The following URI1 variants were observed in gnomAD, a reference collection of about 807,000 sequenced individuals.
URI1 encodes the protein URI1 prefoldin like chaperone.
Under a neutral mutation model 60.2 loss-of-function variants are expected in URI1, and 39 were observed. That is an observed-to-expected ratio of 0.65 (90% CI 0.50 to 0.85). The LOEUF is 0.85. URI1 is among the 40% of genes least tolerant of loss of function. The pLI is 0.00. For synonymous variants in URI1, 251 were observed against 236.8 expected, an observed-to-expected ratio of 1.06 and a Z score of -0.55; for missense variants, 691 against 665.9, an observed-to-expected ratio of 1.04 and a Z score of -0.42.
intron 2 of URI1, among the ~76,000 whole-genome samples, chr19:29,973,208 C>T (rs2055480282): frequency 1.3e-5 from 2 of 152,106 alleles, no homozygotes; most frequent in Admixed American, 1.3e-4. Context: ...CTACCATATG[C>T]CAGTATTGTG....
chr19:29,982,839 ATAG>A (rs1229903652), intron 2 of URI1, among the ~76,000 whole-genome samples: 1 of 152,232 alleles, frequency 6.6e-6, no homozygotes. Context: ...TGGAACCAAA[ATAG>A]TAGTTGCTCC....
exon 1 of URI1, chr19:29,923,688 C>CCTGCA: frequency 6.5e-7 from 1 of 1,536,522 alleles, no homozygotes; most frequent in Admixed American, 2.0e-5. Flanking sequence ...AGGTCACTGC[C>CCTGCA]CTGATGACAA....
intron 4 of URI1, among the ~76,000 whole-genome samples, chr19:29,993,448 T>C (rs946068889): frequency 6.6e-6 from 1 of 152,254 alleles, no homozygotes; most frequent in African/African-American, 2.4e-5. Flanking sequence ...AATGTTGTGG[T>C]TCCCAAACTT....
intron 1 of URI1, among the ~76,000 whole-genome samples, chr19:29,926,280 C>CTTCCTTCT (rs1293383387): frequency 2.9e-5 from 4 of 139,978 alleles, no homozygotes; most frequent in African/African-American, 1.1e-4. Context: ...TCCTTCCTTC[C>CTTCCTTCT]TTCCTACCTT....
chr19:29,944,781 AT>A (rs1243398058), intron 1 of URI1, among the ~76,000 whole-genome samples: 1 of 152,216 alleles, frequency 6.6e-6, no homozygotes, highest in Admixed American at 6.5e-5. Flanking sequence ...ATCTATCTTT[AT>A]TTAATAGAAG....
chr19:29,946,528 T>C (rs77261009), intron 1 of URI1, among the ~76,000 whole-genome samples: 2,064 of 152,328 alleles, frequency 0.014, 47 homozygotes, highest in African/African-American at 0.046. Flanking sequence ...ATTAGGATAA[T>C]ATATTTATAA....
intron 4 of URI1, among the ~76,000 whole-genome samples, chr19:30,003,865 T>C (rs541288597): frequency 6.6e-6 from 1 of 152,228 alleles, no homozygotes; most frequent in African/African-American, 2.4e-5. Flanking sequence ...TAAAATAATG[T>C]TCTTTAGATC....
intron 10 of URI1, 171 bp downstream of exon 10, chr19:30,012,702 T>A: frequency 3.8e-6 from 3 of 799,754 alleles, no homozygotes; most frequent in Non-Finnish European, 5.3e-6. Context: ...GATAATCAAA[T>A]AGTTTATTTT....
intron 1 of URI1, among the ~76,000 whole-genome samples, chr19:29,957,470 T>C (rs1259407375): frequency 6.6e-6 from 1 of 152,108 alleles, no homozygotes; most frequent in East Asian, 1.9e-4. Context: ...TGTAGCTCTG[T>C]TTCTCTATTC....
chr19:29,996,810 A>G (rs1348720947), intron 4 of URI1, among the ~76,000 whole-genome samples: 1 of 151,002 alleles, frequency 6.6e-6, no homozygotes, highest in Non-Finnish European at 1.5e-5. Flanking sequence ...TTTTTTTTTA[A>G]TCATGAAAGG....
At chr19:29,956,293 T>TG in intron 1 of URI1, 8 of 749,982 alleles carry the variant, frequency 1.1e-5, no homozygotes, top group Non-Finnish European at 1.6e-5. Context: ...GTCTTTTTTT[T>TG]TTTTTTTTTT....
At chr19:29,942,223 C>A, upstream of URI1, 1 of 984,668 alleles carries the variant, frequency 1.0e-6, no homozygotes, top group Non-Finnish European at 1.2e-6. Context: ...TTCCGGCGTG[C>A]CGCGAGAGGC....
intron 1 of URI1, among the ~76,000 whole-genome samples, chr19:29,948,901 C>T (rs1336647432): frequency 1.3e-5 from 2 of 152,202 alleles, no homozygotes; most frequent in African/African-American, 4.8e-5. Flanking sequence ...GTCCTCACTT[C>T]CCAGAAGGGG....
At chr19:29,976,796 ATTTT>A (rs2055528436) in intron 2 of URI1, among the ~76,000 whole-genome samples, 1 of 152,168 alleles carries the variant, frequency 6.6e-6, no homozygotes, top group African/African-American at 2.4e-5. Context: ...TGCTTCCTTT[ATTTT>A]AAAAGGATTT....
chr19:29,956,852 C>G, intron 1 of URI1: 1 of 1,555,496 alleles, frequency 6.4e-7, no homozygotes, highest in Non-Finnish European at 8.8e-7. Flanking sequence ...TCCAAGGAGT[C>G]TGAGTTCTAC....
chr19:29,941,732 G>A (rs1356732270), upstream of URI1, among the ~76,000 whole-genome samples: 1 of 150,826 alleles, frequency 6.6e-6, no homozygotes, highest in Non-Finnish European at 1.5e-5. Context: ...ATTTATATAA[G>A]AGAAAATACA....
At chr19:30,004,649 T>C (rs1315124707) in intron 4 of URI1, 2 of 152,064 alleles carry the variant, frequency 1.3e-5, no homozygotes. Context: ...CATATAATTA[T>C]AGTTAGAAAC....
intron 1 of URI1, among the ~76,000 whole-genome samples, chr19:29,949,761 C>G (rs1402956984): frequency 6.6e-6 from 1 of 152,180 alleles, no homozygotes; most frequent in Non-Finnish European, 1.5e-5. Context: ...AATACGAAAA[C>G]CACTCAGGCG....
chr19:29,925,134 C>T (rs1213999430), intron 1 of URI1, among the ~76,000 whole-genome samples: 1 of 152,274 alleles, frequency 6.6e-6, no homozygotes, highest in African/African-American at 2.4e-5. Context: ...CCACACCTTG[C>T]TGCACCCTCT....
Sources: allele counts gnomAD v4.1 joint callset (sites outside exome capture counted in the v4.1 genomes callset), GRCh38; gene constraint gnomAD v4.1.1; transcripts MANE v1.5; gene names NCBI Gene and HGNC (gene_info 2026-07-23, HGNC 2026-07-21).